The following CPA5 variants were observed in gnomAD, a reference collection of about 807,000 sequenced individuals.
CPA5 encodes the protein carboxypeptidase A5, also known as testicular tissue protein Li 32.
CPA5 carries 38 observed loss-of-function variants against 52.2 expected under a neutral mutation model. The observed-to-expected ratio is 0.73, with a 90% CI of 0.56 to 0.95. The LOEUF (loss-of-function observed/expected upper bound fraction) is 0.95, where lower values mean the gene tolerates loss of function less well. Ranked by LOEUF, CPA5 falls within the 40% of genes least tolerant of loss-of-function variation. The pLI, the probability that CPA5 is intolerant of heterozygous loss-of-function variation, is 0.00. For missense variants in CPA5, 519 were observed against 566.7 expected, an observed-to-expected ratio of 0.92 and a Z score of 0.86; for synonymous variants, 198 against 213.7, an observed-to-expected ratio of 0.93 and a Z score of 0.64.
Position 130,367,458 on chromosome 7 carries a change from T to C in CPA5, c.925T>C (p.Phe309Leu), listed in dbSNP as rs879946855. The change falls in exon 11 of 13, where the codon TTC becomes CTC. Residue 309 changes from phenylalanine to leucine, a missense_variant. Coordinates refer to ENST00000474905, the MANE Select transcript of CPA5 (RefSeq NM_080385.5). ...GCCGGAGGTGGCTGCCATAGTGAACTTCATCACAGCCCATGGCAACTTCAA... is the reference window on the plus strand; with the variant it reads ...GCCGGAGGTGGCTGCCATAGTGAACCTCATCACAGCCCATGGCAACTTCAA... ...SEPEVAAIVN[F>L]ITAHGNFKAL... 2 of 1,614,140 alleles carry C rather than the reference T, an allele frequency of 1.2e-6. No homozygotes were observed. The highest frequency in any genetic ancestry group is 1.7e-4 in the Middle Eastern group (1 of 6,060).
At chr7:130,349,900 T>C (rs1321687775) in intron 4 of CPA5, 75 bp from the exon 5 acceptor site, 2 of 1,507,334 alleles carry the variant, frequency 1.3e-6, no homozygotes, top group Admixed American at 4.1e-5. Context: ...ATTCTCTGGC[T>C]CTCTGTGGTC....
intron 5 of CPA5, among the ~76,000 whole-genome samples, chr7:130,352,839 GT>G (rs1323770844): frequency 1.6e-4 from 23 of 147,038 alleles, no homozygotes; most frequent in Admixed American, 2.7e-4. Context: ...CAGCCCTTTG[GT>G]TTTTTTTTTT....
chr7:130,352,885 T>A (rs1219049385), intron 5 of CPA5, among the ~76,000 whole-genome samples: 1 of 151,884 alleles, frequency 6.6e-6, no homozygotes, highest in Non-Finnish European at 1.5e-5. Flanking sequence ...ATGGAAAAAC[T>A]TCACTTGAGC....
chr7:130,369,459 C>T (rs1368629982), downstream of CPA5, among the ~76,000 whole-genome samples: 4 of 152,206 alleles, frequency 2.6e-5, no homozygotes, highest in Non-Finnish European at 5.9e-5. Flanking sequence ...ATGGGACTGG[C>T]AGGCTGTACT....
rs556120011 is a variant in CPA5 at position 130,352,755 on chromosome 7, G to C, written c.333+2646G>C. ...GCAGGAGGGTGGTGAGGAAATTGCA[G>C]TGGGCCAGGCAAGAAATTATCTGAT... is the stretch of plus-strand genomic sequence containing the variant. On this transcript the variant is annotated intron_variant, in intron 5 of 12. Transcript: ENST00000474905. Among the ~76,000 whole-genome samples the C allele has an allele frequency of 2.0e-5, 3 of 152,258 alleles. No individual in the cohort carries two copies. In the East Asian group the frequency reaches 5.8e-4, roughly 29 times the overall value.
chr7:130,357,093 G>A (rs1554405389), intron 5 of CPA5, among the ~76,000 whole-genome samples: 1 of 152,228 alleles, frequency 6.6e-6, no homozygotes, highest in Admixed American at 6.5e-5. Context: ...TTTGCCCCTG[G>A]CCAGCTAGTG....
At position 130,346,185 on chromosome 7, in the gene CPA5, T is replaced by C. The variant is rs201940883; in HGVS notation, c.-93-208T>C. On this transcript the variant is annotated intron_variant, in intron 2 of 12. Transcript: ENST00000474905. ...GGCTACTTTGGTCTTTCTCCAGAGA[T>C]GGAAGCTTTGATGCTCACAAGGGGC... Among the ~76,000 whole-genome samples the C allele has an allele frequency of 2.8e-4, 43 of 152,308 alleles. No individual in the cohort carries two copies. The East Asian group carries it at 7.2e-3, about 25-fold the overall frequency.
downstream of CPA5, among the ~76,000 whole-genome samples, chr7:130,369,955 G>T (rs1421841685): frequency 6.6e-6 from 1 of 152,334 alleles, no homozygotes; most frequent in East Asian, 1.9e-4. Context: ...CCCAAGTAAG[G>T]TTCATATCCA....
At chr7:130,346,176 C>T (rs1267617807) in intron 2 of CPA5, among the ~76,000 whole-genome samples, 2 of 152,328 alleles carry the variant, frequency 1.3e-5, no homozygotes, top group Non-Finnish European at 2.9e-5. Context: ...TTTGGTCTTT[C>T]TCCAGAGATG....
At chr7:130,371,723 A>G (rs1289300026), downstream of CPA5, among the ~76,000 whole-genome samples, 1 of 151,846 alleles carries the variant, frequency 6.6e-6, no homozygotes, top group Non-Finnish European at 1.5e-5. Flanking sequence ...ACGCCTGGCT[A>G]ATTTTGTATT....
Position 130,361,127 on chromosome 7 carries a change from A to G in CPA5, c.433-16A>G. Reference sequence around the variant, plus strand: ...TCCTGCTTAACTGCCAATCTTACACACTTCTTTCCTTTCAGATATATAGCT... The same window carrying G: ...TCCTGCTTAACTGCCAATCTTACACGCTTCTTTCCTTTCAGATATATAGCT... On this transcript the variant is annotated splice_polypyrimidine_tract_variant and intron_variant, in intron 6 of 12. Coordinates refer to ENST00000474905, the MANE Select transcript of CPA5 (RefSeq NM_080385.5). The G allele has an allele frequency of 1.3e-6, 2 of 1,551,410 alleles. No individual in the cohort carries two copies. The highest frequency in any genetic ancestry group is 1.8e-6 in the Non-Finnish European group (2 of 1,122,990).
chr7:130,346,372 C>G lies in CPA5; in HGVS notation c.-93-21C>G, dbSNP rs180976386. 5.7e-6 allele frequency: 4 copies of G among 707,690 alleles called. No homozygotes were observed. The African/African-American group carries it at 7.2e-5, about 13-fold the overall frequency. 43.8% of individuals were successfully genotyped at this position (707,690 alleles called of 1,614,324 possible). Reference sequence around the variant, plus strand: ...GGAGCCACATGCTGGGTGCCCCAGACAGCCTAATGCTCTTTCTCAGGCTGG... The same window carrying G: ...GGAGCCACATGCTGGGTGCCCCAGAGAGCCTAATGCTCTTTCTCAGGCTGG... On this transcript the variant is annotated intron_variant, in intron 2 of 12. Coordinates refer to ENST00000474905, the MANE Select transcript of CPA5 (RefSeq NM_080385.5).
At chr7:130,371,964 C>T (rs782004200), downstream of CPA5, among the ~76,000 whole-genome samples, 8 of 152,222 alleles carry the variant, frequency 5.3e-5, no homozygotes, top group Non-Finnish European at 1.0e-4. Flanking sequence ...GCTCCAACCT[C>T]ACTGGCTCCT....
At chr7:130,373,701 C>T (rs1796314919), downstream of CPA5, among the ~76,000 whole-genome samples, 1 of 152,220 alleles carries the variant, frequency 6.6e-6, no homozygotes, top group South Asian at 2.1e-4. Flanking sequence ...TAAAAATGCC[C>T]CTTTAGGAAA....
intron 5 of CPA5, among the ~76,000 whole-genome samples, chr7:130,354,259 C>A (rs1554404701): frequency 6.6e-6 from 1 of 152,098 alleles, no homozygotes; most frequent in Non-Finnish European, 1.5e-5. Flanking sequence ...ACCCTTCTTC[C>A]CCACTTCTCC....
At chr7:130,372,093 C>G (rs1554409991), downstream of CPA5, among the ~76,000 whole-genome samples, 2 of 152,222 alleles carry the variant, frequency 1.3e-5, no homozygotes, top group African/African-American at 4.8e-5. Flanking sequence ...CTAGGACCAC[C>G]CACTGGAAGT....
downstream of CPA5, among the ~76,000 whole-genome samples, chr7:130,372,411 A>G (rs538507287): frequency 6.6e-6 from 1 of 152,256 alleles, no homozygotes; most frequent in Non-Finnish European, 1.5e-5. Flanking sequence ...TAGGGGTTTT[A>G]TTTCTGTCAT....
chr7:130,364,804 A>AT (rs1489760680), intron 10 of CPA5, among the ~76,000 whole-genome samples: 1 of 152,174 alleles, frequency 6.6e-6, no homozygotes, highest in East Asian at 1.9e-4. Flanking sequence ...CTCCCTAACC[A>AT]TGCAAGGGGC....
chr7:130,371,496 G>C (rs1796294005), downstream of CPA5, among the ~76,000 whole-genome samples: 1 of 152,140 alleles, frequency 6.6e-6, no homozygotes, highest in Non-Finnish European at 1.5e-5. Context: ...TGTTCTCACA[G>C]CCAGCTTGGC....
Sources: allele counts gnomAD v4.1 joint callset (sites outside exome capture counted in the v4.1 genomes callset), GRCh38; gene constraint gnomAD v4.1.1; transcripts MANE v1.5; gene names NCBI Gene and HGNC (gene_info 2026-07-23, HGNC 2026-07-21).